PCDH7: variants seen among roughly 807,000 people sequenced by gnomAD.
The protein encoded by PCDH7 is protocadherin-7.
In PCDH7, 17 loss-of-function variants were observed where a neutral mutation model predicts 58.9. The ratio of observed to expected loss-of-function variants is 0.29; its 90% CI spans 0.20 to 0.43. The LOEUF is 0.43. Ranked by LOEUF, PCDH7 falls within the 20% of genes least tolerant of loss-of-function variation. The pLI is 1.00. For synonymous variants in PCDH7, 664 were observed against 616.4 expected, an observed-to-expected ratio of 1.08 and a Z score of -1.14; for missense variants, 1,274 against 1,441.0, an observed-to-expected ratio of 0.88 and a Z score of 1.88.
At chr4:30,954,766 A>C (rs1051323958) in intron 3 of PCDH7, among the ~76,000 whole-genome samples, 5 of 152,190 alleles carry the variant, frequency 3.3e-5, no homozygotes, top group African/African-American at 1.2e-4. Flanking sequence ...AGTGAATTCC[A>C]ACTTTCTACA....
chr4:30,785,712 T>A (rs777862561), intron 1 of PCDH7, among the ~76,000 whole-genome samples: 36 of 152,072 alleles, frequency 2.4e-4, no homozygotes, highest in Non-Finnish European at 4.9e-4. Flanking sequence ...GTGAAATAAG[T>A]CATTAATTTC....
At chr4:30,888,013 C>G (rs1290135423) in intron 1 of PCDH7, among the ~76,000 whole-genome samples, 2 of 151,798 alleles carry the variant, frequency 1.3e-5, no homozygotes, top group Admixed American at 6.6e-5. Context: ...GTAGCTGGGA[C>G]TACAGGCATG....
At chr4:30,802,863 A>T (rs984801368) in intron 1 of PCDH7, among the ~76,000 whole-genome samples, 35 of 152,136 alleles carry the variant, frequency 2.3e-4, no homozygotes, top group African/African-American at 8.4e-4. Flanking sequence ...TAGCAGAGTC[A>T]ATCAGCATGG....
chr4:30,880,829 T>C (rs1233387836), intron 1 of PCDH7, among the ~76,000 whole-genome samples: 5 of 152,138 alleles, frequency 3.3e-5, no homozygotes, highest in African/African-American at 1.2e-4. Flanking sequence ...TAAAAATGAA[T>C]TGATTGGCGT....
intron 1 of PCDH7, among the ~76,000 whole-genome samples, chr4:30,916,011 CTT>C (rs1742427887): frequency 6.6e-6 from 1 of 152,292 alleles, no homozygotes; most frequent in African/African-American, 2.4e-5. Context: ...TTGCTGGAAA[CTT>C]GATCACATTA....
At chr4:30,948,260 A>G (rs995514641) in intron 2 of PCDH7, among the ~76,000 whole-genome samples, 5 of 151,840 alleles carry the variant, frequency 3.3e-5, no homozygotes, top group African/African-American at 9.7e-5. Flanking sequence ...TCTATACATA[A>G]AAGTCTTAGC....
At chr4:31,130,614 G>A (rs1440754334) in intron 3 of PCDH7, among the ~76,000 whole-genome samples, 2 of 152,176 alleles carry the variant, frequency 1.3e-5, no homozygotes, top group African/African-American at 4.8e-5. Flanking sequence ...TAGACCAGAA[G>A]TCTGACATAA....
chr4:31,113,889 G>T (rs1027924458), intron 3 of PCDH7, among the ~76,000 whole-genome samples: 6 of 139,054 alleles, frequency 4.3e-5, no homozygotes, highest in African/African-American at 1.7e-4. Flanking sequence ...CTGGAGTACA[G>T]TGGCACAATC....
intron 3 of PCDH7, among the ~76,000 whole-genome samples, chr4:31,094,470 A>T (rs894273761): frequency 1.3e-5 from 2 of 152,198 alleles, no homozygotes; most frequent in African/African-American, 2.4e-5. Flanking sequence ...AAAAATTCAC[A>T]ATGGATTGTA....
chr4:30,937,013 T>G (rs1237418253), intron 2 of PCDH7, among the ~76,000 whole-genome samples: 2 of 148,328 alleles, frequency 1.3e-5, no homozygotes, highest in African/African-American at 5.0e-5. Flanking sequence ...TCTACCAAGG[T>G]AGGGAGGATG....
At chr4:30,885,703 T>A (rs1034470450) in intron 1 of PCDH7, among the ~76,000 whole-genome samples, 7 of 151,962 alleles carry the variant, frequency 4.6e-5, no homozygotes, top group Non-Finnish European at 7.4e-5. Context: ...GAGGCATCAC[T>A]CTACCTGACT....
chr4:31,082,879 T>A (rs544777447), intron 3 of PCDH7, among the ~76,000 whole-genome samples: 1 of 152,000 alleles, frequency 6.6e-6, no homozygotes, highest in African/African-American at 2.4e-5. Flanking sequence ...AGGGCCAAGG[T>A]GGGCGGATCA....
intron 1 of PCDH7, among the ~76,000 whole-genome samples, chr4:30,762,235 A>G (rs1720121592): frequency 6.6e-6 from 1 of 152,190 alleles, no homozygotes; most frequent in Admixed American, 6.5e-5. Context: ...TTTTCTTAGC[A>G]ATTTTGTATT....
chr4:31,060,512 G>A (rs948539384), intron 3 of PCDH7, among the ~76,000 whole-genome samples: 14 of 151,540 alleles, frequency 9.2e-5, no homozygotes, highest in African/African-American at 3.1e-4. Context: ...ATTTGTTATT[G>A]GACATCTGCC....
intron 3 of PCDH7, among the ~76,000 whole-genome samples, chr4:31,073,250 C>T (rs1416899798): frequency 6.6e-6 from 1 of 151,986 alleles, no homozygotes; most frequent in Non-Finnish European, 1.5e-5. Flanking sequence ...AGCAGAGAAG[C>T]AAAAAGATCT....
intron 3 of PCDH7, among the ~76,000 whole-genome samples, chr4:31,126,431 A>T (rs1718318158): frequency 6.6e-6 from 1 of 152,124 alleles, no homozygotes; most frequent in Non-Finnish European, 1.5e-5. Flanking sequence ...AGGTGCTGGG[A>T]TTACAGGCCT....
intron 3 of PCDH7, among the ~76,000 whole-genome samples, chr4:31,021,574 C>G (rs2109169910): frequency 6.6e-6 from 1 of 152,216 alleles, no homozygotes; most frequent in African/African-American, 2.4e-5. Context: ...CTGGGGGTGG[C>G]TTTCTGCGGG....
chr4:31,030,495 C>T (rs1382286396), intron 3 of PCDH7, among the ~76,000 whole-genome samples: 4 of 152,042 alleles, frequency 2.6e-5, no homozygotes, highest in South Asian at 2.1e-4. Context: ...ATTGTGTCTT[C>T]AGGATAAGAG....
intron 1 of PCDH7, among the ~76,000 whole-genome samples, chr4:30,854,377 A>T (rs904387402): frequency 1.3e-5 from 2 of 150,792 alleles, no homozygotes; most frequent in East Asian, 3.9e-4. Context: ...ATACTGATTG[A>T]AGAATTTAGG....
Sources: allele counts gnomAD v4.1 joint callset (sites outside exome capture counted in the v4.1 genomes callset), GRCh38; gene constraint gnomAD v4.1.1; transcripts MANE v1.5; gene names NCBI Gene and HGNC (gene_info 2026-07-23, HGNC 2026-07-21).